Variants in CTNND2 observed in about 807,000 individuals in gnomAD.
The protein encoded by CTNND2 is catenin delta-2.
In CTNND2, 22 loss-of-function variants were observed where a neutral mutation model predicts 144.4. The observed-to-expected ratio is 0.15, with a 90% CI of 0.11 to 0.22. The LOEUF (loss-of-function observed/expected upper bound fraction) is 0.22, where lower values mean the gene tolerates loss of function less well. Ranked by LOEUF, CTNND2 falls within the 10% of genes least tolerant of loss-of-function variation. The pLI is 1.00. For missense variants in CTNND2, 1,353 were observed against 1,618.8 expected (o/e 0.84, Z 2.82); for synonymous variants, 751 against 695.6 (o/e 1.08, Z -1.25).
chr5:11,597,824 C>T (rs927204432), intron 2 of CTNND2, among the ~76,000 whole-genome samples: 3 of 152,150 alleles, frequency 2.0e-5, no homozygotes, highest in Admixed American at 6.5e-5. Flanking sequence ...TCGTCTGCTC[C>T]GTACTGAGAC....
chr5:11,716,160 AGGGGTTT>A (rs1786339332), intron 2 of CTNND2, among the ~76,000 whole-genome samples: 1 of 152,234 alleles, frequency 6.6e-6, no homozygotes, highest in Non-Finnish European at 1.5e-5. Context: ...GCCACTCATA[AGGGGTTT>A]CCCATAGTAA....
At chr5:11,355,350 AT>A (rs1201744003) in intron 8 of CTNND2, among the ~76,000 whole-genome samples, 1 of 152,144 alleles carries the variant, frequency 6.6e-6, no homozygotes, top group Non-Finnish European at 1.5e-5. Flanking sequence ...TGCAAGAATT[AT>A]TTAATACATG....
intron 1 of CTNND2, among the ~76,000 whole-genome samples, chr5:11,788,880 C>G (rs1056258250): frequency 6.7e-6 from 1 of 150,352 alleles, no homozygotes; most frequent in African/African-American, 2.5e-5. Context: ...TTCCTGTGTC[C>G]AAGTGTTCTC....
intron 5 of CTNND2, among the ~76,000 whole-genome samples, chr5:11,410,122 A>G (rs1347908316): frequency 6.6e-6 from 1 of 152,148 alleles, no homozygotes; most frequent in Non-Finnish European, 1.5e-5. Flanking sequence ...TGTTTCAAAT[A>G]TTAATTAAAT....
At chr5:11,634,051 C>T (rs1265431794) in intron 2 of CTNND2, among the ~76,000 whole-genome samples, 1 of 152,188 alleles carries the variant, frequency 6.6e-6, no homozygotes, top group Non-Finnish European at 1.5e-5. Flanking sequence ...GCTCTCTGCC[C>T]CATGAGTTGG....
At chr5:11,376,322 G>GTGCATGTGTGTGTGTTCATGTATC (rs60937559) in intron 7 of CTNND2, among the ~76,000 whole-genome samples, 1 of 146,080 alleles carries the variant, frequency 6.8e-6, no homozygotes, top group Non-Finnish European at 1.5e-5. Flanking sequence ...TTGTGTGTGT[G>GTGCATGTGTGTGTGTTCATGTATC]TGTGTGTGTG....
intron 10 of CTNND2, among the ~76,000 whole-genome samples, chr5:11,225,944 G>A (rs1309535388): frequency 2.0e-5 from 3 of 152,152 alleles, no homozygotes; most frequent in African/African-American, 4.8e-5. Flanking sequence ...AAAGAAACAC[G>A]CCTAGAGGAG....
chr5:11,171,819 A>T (rs899077660), intron 11 of CTNND2, among the ~76,000 whole-genome samples: 1 of 152,216 alleles, frequency 6.6e-6, no homozygotes, highest in Non-Finnish European at 1.5e-5. Flanking sequence ...GAACGAGCAG[A>T]ATTAGCCAGA....
intron 1 of CTNND2, among the ~76,000 whole-genome samples, chr5:11,884,749 T>C (rs1458424864): frequency 6.6e-6 from 1 of 152,180 alleles, no homozygotes; most frequent in Non-Finnish European, 1.5e-5. Context: ...AGATATTAAA[T>C]AAAGCCTTTT....
intron 9 of CTNND2, among the ~76,000 whole-genome samples, chr5:11,311,083 C>G (rs1408937805): frequency 7.1e-6 from 1 of 141,112 alleles, no homozygotes; most frequent in South Asian, 2.4e-4. Context: ...TCAACCCACA[C>G]ATACATACAC....
chr5:11,013,016 T>C (rs907354067), intron 18 of CTNND2, among the ~76,000 whole-genome samples: 4 of 152,136 alleles, frequency 2.6e-5, no homozygotes, highest in Admixed American at 6.5e-5. Context: ...ACCTTGGCAT[T>C]TGGGAAAACA....
chr5:11,875,428 G>A (rs1423598215), intron 1 of CTNND2, among the ~76,000 whole-genome samples: 1 of 152,154 alleles, frequency 6.6e-6, no homozygotes, highest in Non-Finnish European at 1.5e-5. Context: ...ACACATTTGG[G>A]ATTAATGAAT....
intron 21 of CTNND2, 139 bp downstream of exon 21, chr5:10,981,634 T>G: frequency 1.3e-6 from 1 of 757,868 alleles, no homozygotes; most frequent in African/African-American, 1.7e-5. Flanking sequence ...GCAACAGGCG[T>G]GAGGAGAGGG....
At chr5:11,260,318 A>G (rs1004458338) in intron 9 of CTNND2, among the ~76,000 whole-genome samples, 1 of 152,212 alleles carries the variant, frequency 6.6e-6, no homozygotes, top group Non-Finnish European at 1.5e-5. Context: ...ACAAATTGCC[A>G]CTGTAATGTA....
chr5:10,980,713 C>T (rs1358372138), intron 21 of CTNND2, among the ~76,000 whole-genome samples: 1 of 152,114 alleles, frequency 6.6e-6, no homozygotes, highest in Admixed American at 6.5e-5. Context: ...GAATACTATG[C>T]AGCCATAAAA....
At chr5:11,463,489 G>A (rs61758941) in intron 3 of CTNND2, among the ~76,000 whole-genome samples, 2,404 of 152,110 alleles carry the variant, frequency 0.016, 56 homozygotes, top group African/African-American at 0.055. Context: ...TCAGTTATGT[G>A]GTCATTAACC....
chr5:11,288,295 A>G (rs1486890335), intron 9 of CTNND2, among the ~76,000 whole-genome samples: 3 of 152,122 alleles, frequency 2.0e-5, no homozygotes, highest in Non-Finnish European at 4.4e-5. Context: ...TTTGTGCAGA[A>G]ACTGCTTCTA....
intron 2 of CTNND2, among the ~76,000 whole-genome samples, chr5:11,643,119 T>C (rs1782153057): frequency 6.6e-6 from 1 of 152,232 alleles, no homozygotes; most frequent in Non-Finnish European, 1.5e-5. Context: ...TTGAATTCTA[T>C]TTCAAATTTA....
chr5:11,370,466 T>A (rs1164608864), intron 7 of CTNND2, among the ~76,000 whole-genome samples: 2 of 152,352 alleles, frequency 1.3e-5, no homozygotes, highest in East Asian at 3.9e-4. Flanking sequence ...AATAAGCATC[T>A]AATGTGTTAC....
Sources: allele counts gnomAD v4.1 joint callset (sites outside exome capture counted in the v4.1 genomes callset), GRCh38; gene constraint gnomAD v4.1.1; transcripts MANE v1.5; gene names NCBI Gene and HGNC (gene_info 2026-07-23, HGNC 2026-07-21).